The following CLVS1 variants were observed in gnomAD, a reference collection of about 807,000 sequenced individuals.
CLVS1 encodes clavesin-1.
Under a neutral mutation model 33.1 loss-of-function variants are expected in CLVS1, and 10 were observed. The ratio of observed to expected loss-of-function variants is 0.30; its 90% CI spans 0.19 to 0.51. CLVS1 has a LOEUF of 0.51. Among genes scored for constraint, CLVS1 ranks in the 20% least tolerant of loss-of-function variants. The probability of loss-of-function intolerance (pLI) is 0.97; values close to 1 mark genes in which losing one functional copy is unlikely to be tolerated. For missense variants in CLVS1, 343 were observed against 433.4 expected (o/e 0.79, Z 1.85); for synonymous variants, 163 against 166.1 (o/e 0.98, Z 0.14).
chr8:61,242,434 T>A (rs1585716143), intron 2 of CLVS1, among the ~76,000 whole-genome samples: 1 of 152,322 alleles, frequency 6.6e-6, no homozygotes, highest in Middle Eastern at 3.4e-3. Flanking sequence ...TCTTTGAATA[T>A]CTCATGGATT....
intron 3 of CLVS1, among the ~76,000 whole-genome samples, chr8:61,428,308 CTG>C (rs754110560): frequency 1.3e-5 from 2 of 152,136 alleles, no homozygotes; most frequent in Non-Finnish European, 2.9e-5. Context: ...CATGTGTCAA[CTG>C]TGTGCTGAAG....
chr8:61,339,819 A>G (rs1444812616), intron 2 of CLVS1, among the ~76,000 whole-genome samples: 1 of 150,492 alleles, frequency 6.6e-6, no homozygotes, highest in African/African-American at 2.4e-5. Context: ...GAAAGGAGGG[A>G]AAGAAAGAGC....
chr8:61,397,653 T>C (rs1226172186), intron 3 of CLVS1, among the ~76,000 whole-genome samples: 1 of 152,180 alleles, frequency 6.6e-6, no homozygotes, highest in Non-Finnish European at 1.5e-5. Flanking sequence ...CATTTAGATC[T>C]ATAATCTATT....
At position 61,352,589 on chromosome 8, in the gene CLVS1, A is replaced by T. The variant is rs537446733; in HGVS notation, c.456-24016A>T. Among the ~76,000 whole-genome samples the T allele has an allele frequency of 5.9e-5, 9 of 152,088 alleles. No homozygotes were observed. The East Asian group carries it at 1.3e-3, about 23-fold the overall frequency. On this transcript the variant is annotated intron_variant, in intron 2 of 5. Transcript: ENST00000325897. Reference sequence around the variant, plus strand: ...AGATATATCATGCAAAGATGGATTTAAAAAAATAGACATGGCTGTATTCGG... The same window carrying T: ...AGATATATCATGCAAAGATGGATTTTAAAAAATAGACATGGCTGTATTCGG...
intron 2 of CLVS1, among the ~76,000 whole-genome samples, chr8:61,239,920 C>T (rs893993051): frequency 6.6e-6 from 1 of 152,092 alleles, no homozygotes; most frequent in Non-Finnish European, 1.5e-5. Context: ...GGGTGGGTAC[C>T]ATGCCCTGGG....
intron 2 of CLVS1, among the ~76,000 whole-genome samples, chr8:61,162,087 G>T (rs534826830): frequency 2.6e-5 from 4 of 152,144 alleles, no homozygotes; most frequent in South Asian, 4.2e-4. Context: ...CCTTCTTGCC[G>T]TCTTTCCCAG....
chr8:61,017,085 A>G, the CLVS1 span, among the ~76,000 whole-genome samples: 5 of 152,206 alleles, frequency 3.3e-5, no homozygotes, highest in Non-Finnish European at 5.9e-5. Context: ...CTCCAAAAAG[A>G]CAGCCGGGGC....
At chr8:61,406,259 C>A (rs978136256) in intron 3 of CLVS1, among the ~76,000 whole-genome samples, 26 of 152,318 alleles carry the variant, frequency 1.7e-4, no homozygotes, top group Admixed American at 6.5e-4. Flanking sequence ...TTCAACCATT[C>A]AATACATTCC....
At chr8:61,385,547 A>T (rs1814047546) in intron 3 of CLVS1, among the ~76,000 whole-genome samples, 1 of 152,202 alleles carries the variant, frequency 6.6e-6, no homozygotes, top group African/African-American at 2.4e-5. Flanking sequence ...TTGCAAAAGA[A>T]TTAGTGAAAA....
chr8:61,343,211 C>T lies in CLVS1; in HGVS notation c.456-33394C>T, dbSNP rs532256719. On this transcript the variant is annotated intron_variant, in intron 2 of 5. Coordinates refer to ENST00000325897, the MANE Select transcript of CLVS1 (RefSeq NM_173519.3). ...CCCAGCCCTTGCCCATTCTGATTTT[C>T]TGGTTATCTTTGGATTTATAGCAAA... Among the ~76,000 whole-genome samples the T allele has an allele frequency of 3.9e-3, 591 of 152,252 alleles. 3 individuals are homozygous for T. Among genetic ancestry groups the T allele is most frequent in the Non-Finnish European group, 5.8e-3 (393 of 67,998 alleles).
chr8:61,281,001 G>T (rs1194107652), intron 2 of CLVS1, among the ~76,000 whole-genome samples: 1 of 152,192 alleles, frequency 6.6e-6, no homozygotes, highest in African/African-American at 2.4e-5. Flanking sequence ...TCTCATTTGA[G>T]AAATGCATGT....
At chr8:61,205,049 CA>C (rs1289952402) in intron 2 of CLVS1, among the ~76,000 whole-genome samples, 4 of 152,128 alleles carry the variant, frequency 2.6e-5, no homozygotes, top group African/African-American at 9.7e-5. Context: ...TGCCAGGTTT[CA>C]AGAATTCATA....
the CLVS1 span, among the ~76,000 whole-genome samples, chr8:60,977,678 G>A: frequency 3.3e-5 from 5 of 152,158 alleles, no homozygotes; most frequent in African/African-American, 9.7e-5. Flanking sequence ...TATGAGTGAT[G>A]TGTTGGGTAT....
At chr8:61,351,691 G>T (rs749437173) in intron 2 of CLVS1, among the ~76,000 whole-genome samples, 2 of 151,944 alleles carry the variant, frequency 1.3e-5, no homozygotes, top group Non-Finnish European at 2.9e-5. Flanking sequence ...CAGTCAGAGA[G>T]AAAGAACACA....
Position 61,066,102 on chromosome 8 carries a change from C to T in CLVS1, c.-243+8872C>T, listed in dbSNP as rs548769441. On this transcript the variant is annotated intron_variant, in intron 1 of 2. Transcript: ENST00000522621. ...ATTTACACAGTGCAGTTGGGAAGGACGTAAGGGGGTAAAAGTGGAGGGTAA... is the reference window on the plus strand; with the variant it reads ...ATTTACACAGTGCAGTTGGGAAGGATGTAAGGGGGTAAAAGTGGAGGGTAA... 1.6e-3 allele frequency among the ~76,000 whole-genome samples: 242 copies of T among 152,192 alleles called. 1 individual carries two copies. The highest frequency in any genetic ancestry group is 2.0e-3 in the Non-Finnish European group (136 of 68,006).
intron 3 of CLVS1, among the ~76,000 whole-genome samples, chr8:61,390,430 T>C (rs1183346348): frequency 6.6e-6 from 1 of 152,164 alleles, no homozygotes; most frequent in Non-Finnish European, 1.5e-5. Flanking sequence ...GCCACAGGAG[T>C]TAACTCCTTA....
chr8:61,156,236 C>T (rs1806646089), intron 2 of CLVS1, among the ~76,000 whole-genome samples: 1 of 104,032 alleles, frequency 9.6e-6, no homozygotes, highest in South Asian at 3.2e-4. Context: ...AAAAAAAAAG[C>T]CTTTGCTGGC....
intron 2 of CLVS1, among the ~76,000 whole-genome samples, chr8:61,307,610 C>A (rs574720145): frequency 1.3e-5 from 2 of 152,132 alleles, no homozygotes; most frequent in Non-Finnish European, 2.9e-5. Flanking sequence ...CAAAAAAATT[C>A]TTTATGAACA....
At chr8:61,447,477 T>C in intron 3 of CLVS1, among the ~76,000 whole-genome samples, 1 of 151,972 alleles carries the variant, frequency 6.6e-6, no homozygotes, top group East Asian at 1.9e-4. Flanking sequence ...CCTGCCTTCT[T>C]CTGGGTTACT....
Sources: gnomAD v4.1 joint callset for allele counts (sites outside exome capture counted in the v4.1 genomes callset) on GRCh38, gnomAD v4.1.1 for gene constraint, MANE v1.5 for transcripts, NCBI Gene and HGNC (gene_info 2026-07-23, HGNC 2026-07-21) for gene names.